SS18: variants seen among roughly 807,000 people sequenced by gnomAD.
SS18 encodes SS18 subunit of BAF chromatin remodeling complex.
SS18 carries 28 observed loss-of-function variants against 72.5 expected under a neutral mutation model. The observed-to-expected ratio is 0.39, with a 90% CI of 0.29 to 0.53. SS18 has a LOEUF of 0.53. SS18 is among the 20% of genes least tolerant of loss of function. The pLI is 0.76. For synonymous variants in SS18, 172 were observed against 164.2 expected (o/e 1.05, Z -0.37); for missense variants, 518 against 535.3 (o/e 0.97, Z 0.32).
In SS18 at chr18:26,039,435, G is replaced by C; in HGVS notation, c.629C>G (p.Pro210Arg). 1.2e-6 allele frequency: 2 copies of C among 1,613,514 alleles called. No individual in the cohort carries two copies. Among genetic ancestry groups the C allele is most frequent in the Non-Finnish European group, 1.7e-6 (2 of 1,179,650 alleles). The change falls in exon 6 of 11, where the codon CCT (proline) becomes CGT (arginine). Residue 210 changes from proline (P) to arginine (R), a missense_variant. Pro to Arg is a moderately radical substitution (Grantham distance 103, BLOSUM62 -2). Coordinates refer to ENST00000415083, the MANE Select transcript of SS18 (RefSeq NM_001007559.3). ...TGGCATATTGTATTGCTGAGAAGGA[G>C]GCTGCTGATGCATCATTGGACCTGA... Reference protein sequence around the residue: ...PNQGPMMHQQPPSQQYNMPQG... With the variant: ...PNQGPMMHQQRPSQQYNMPQG...
chr18:26,076,497 C>T (rs4800712), intron 3 of SS18, among the ~76,000 whole-genome samples: 7,631 of 151,914 alleles, frequency 0.05, 388 homozygotes, highest in East Asian at 0.15. Flanking sequence ...ACATTATTCA[C>T]GAAAATAAAT....
intron 3 of SS18, 71 bp from the exon 4 acceptor site, chr18:26,057,813 T>C: frequency 7.2e-7 from 1 of 1,395,454 alleles, no homozygotes; most frequent in Non-Finnish European, 9.5e-7. Context: ...GTAAAAGAGT[T>C]GCTTATGTTA....
At chr18:26,028,818 T>C (rs895590795) in intron 10 of SS18, among the ~76,000 whole-genome samples, 2 of 152,204 alleles carry the variant, frequency 1.3e-5, no homozygotes, top group African/African-American at 4.8e-5. Context: ...AGATACCCCA[T>C]TACTTCGATT....
chr18:26,029,285 T>A (rs553053135), intron 10 of SS18, among the ~76,000 whole-genome samples: 1 of 152,296 alleles, frequency 6.6e-6, no homozygotes, highest in Admixed American at 6.5e-5. Context: ...TAGGCCAGTA[T>A]ATCATATGGC....
chr18:26,031,382 T>C (rs2053539732), intron 10 of SS18, among the ~76,000 whole-genome samples: 1 of 152,008 alleles, frequency 6.6e-6, no homozygotes, highest in Non-Finnish European at 1.5e-5. Context: ...TGCATCTGAG[T>C]TTTTCCTCAA....
chr18:26,073,357 T>C (rs1004053189), intron 3 of SS18, among the ~76,000 whole-genome samples: 7 of 152,004 alleles, frequency 4.6e-5, no homozygotes, highest in African/African-American at 1.2e-4. Context: ...AAGGTGAAAA[T>C]TGATGAAAGA....
intron 2 of SS18, among the ~76,000 whole-genome samples, chr18:26,087,007 C>T (rs1324127981): frequency 2.0e-5 from 3 of 152,054 alleles, no homozygotes; most frequent in African/African-American, 7.2e-5. Context: ...GTCAAAAGTA[C>T]AAACAACACA....
chr18:26,072,265 A>T (rs2054323477), intron 3 of SS18, among the ~76,000 whole-genome samples: 1 of 152,088 alleles, frequency 6.6e-6, no homozygotes, highest in South Asian at 2.1e-4. Flanking sequence ...CTAGAAAGAA[A>T]AAAAAGGAAT....
At chr18:26,063,242 G>A (rs907956793) in intron 3 of SS18, among the ~76,000 whole-genome samples, 6 of 151,878 alleles carry the variant, frequency 4.0e-5, no homozygotes, top group African/African-American at 1.5e-4. Flanking sequence ...TCAGTAGGCC[G>A]GGTGCGGTGG....
intron 3 of SS18, among the ~76,000 whole-genome samples, chr18:26,064,066 C>T (rs1235144664): frequency 1.3e-5 from 2 of 151,948 alleles, no homozygotes; most frequent in African/African-American, 4.8e-5. Context: ...GTAAAATGGA[C>T]AACTTCTTTG....
At chr18:26,038,715 GCTTT>G (rs1408360078) in intron 6 of SS18, 56 bp from the exon 7 acceptor site, 29 of 1,392,856 alleles carry the variant, frequency 2.1e-5, no homozygotes, top group East Asian at 9.2e-5. Context: ...GTCATCAAAG[GCTTT>G]CTTTCTAATT....
At chr18:26,067,586 C>CTT (rs1251858412) in intron 3 of SS18, among the ~76,000 whole-genome samples, 6 of 151,992 alleles carry the variant, frequency 3.9e-5, no homozygotes, top group African/African-American at 1.5e-4. Context: ...AGATGGAACA[C>CTT]CTGAAGTCAA....
intron 3 of SS18, among the ~76,000 whole-genome samples, chr18:26,065,536 T>C (rs1218087135): frequency 2.0e-5 from 3 of 151,962 alleles, no homozygotes; most frequent in African/African-American, 7.2e-5. Flanking sequence ...TAATTTGCAA[T>C]GGATCATGAA....
chr18:26,076,159 A>C (rs1041622235), intron 3 of SS18, among the ~76,000 whole-genome samples: 17 of 151,904 alleles, frequency 1.1e-4, no homozygotes, highest in Admixed American at 7.9e-4. Flanking sequence ...TTTACAGTCA[A>C]GGTAATCTGA....
chr18:26,058,872 G>T (rs936218420), intron 3 of SS18, among the ~76,000 whole-genome samples: 9 of 151,924 alleles, frequency 5.9e-5, no homozygotes, highest in Non-Finnish European at 8.8e-5. Context: ...TAAAAACCTT[G>T]TTCAGTTTTC....
Position 26,035,793 on chromosome 18 carries a change from G to A in SS18, c.973+38C>T, listed in dbSNP as rs1398438511. The A allele has an allele frequency of 1.4e-6, 2 of 1,384,460 alleles. No individual in the cohort carries two copies. Among genetic ancestry groups the A allele is most frequent in the African/African-American group, 1.4e-5 (1 of 70,322 alleles). The allele number at this position is 1,384,460 out of a possible 1,614,324, so 85.8% of individuals were successfully genotyped here. ...CAAGAATTTTCATTCCTGTAGAAGG[G>A]GATATATATGTGTATGTGTGTGAAG... On this transcript the variant is annotated intron_variant, in intron 8 of 10. Coordinates refer to ENST00000415083, the MANE Select transcript of SS18 (RefSeq NM_001007559.3). The surrounding 1 kb of genome is among the most constrained non-coding windows in gnomAD (Gnocchi z 4.4).
chr18:26,023,715 A>AC, intron 10 of SS18: 1 of 485,462 alleles, frequency 2.1e-6, no homozygotes, highest in South Asian at 1.8e-5. Context: ...TATTACCAGT[A>AC]CACCTGCATT....
intron 10 of SS18, among the ~76,000 whole-genome samples, chr18:26,030,072 A>G (rs186394519): frequency 2.0e-4 from 30 of 152,334 alleles, no homozygotes; most frequent in African/African-American, 6.7e-4. Context: ...TCATGTATCT[A>G]TCATAGCTAC....
chr18:26,078,806 G>A (rs2054465843), intron 2 of SS18, among the ~76,000 whole-genome samples: 1 of 152,204 alleles, frequency 6.6e-6, no homozygotes, highest in Non-Finnish European at 1.5e-5. Flanking sequence ...ACAACTGCCT[G>A]AACCCAGGAG....
Sources: allele counts gnomAD v4.1 joint callset (sites outside exome capture counted in the v4.1 genomes callset), GRCh38; gene constraint gnomAD v4.1.1; non-coding constraint Gnocchi (gnomAD v3.1); transcripts MANE v1.5; gene names NCBI Gene and HGNC (gene_info 2026-07-23, HGNC 2026-07-21).